Variants in ANKRD45 observed in about 807,000 individuals in gnomAD.
ANKRD45 encodes the protein ankyrin repeat domain 45, also known as ankyrin repeat domain-containing protein 45.
In ANKRD45, 21 loss-of-function variants were observed where a neutral mutation model predicts 28.1. The ratio of observed to expected loss-of-function variants is 0.75; its 90% CI spans 0.53 to 1.08. The LOEUF is 1.08. Ranked by LOEUF, ANKRD45 falls within the 50% of genes least tolerant of loss-of-function variation. The probability of loss-of-function intolerance (pLI) is 0.00; values close to 1 mark genes in which losing one functional copy is unlikely to be tolerated. For missense variants in ANKRD45, 261 were observed against 308.7 expected (o/e 0.85, Z 1.16); for synonymous variants, 86 against 103.9 (o/e 0.83, Z 1.05).
the ANKRD45 span, among the ~76,000 whole-genome samples, chr1:173,678,618 T>C: frequency 3.9e-5 from 6 of 152,116 alleles, no homozygotes; most frequent in Non-Finnish European, 1.5e-5. Context: ...TACTGAATGG[T>C]CAAAAACTGG....
At chr1:173,653,798 T>A (rs1571760600) in intron 2 of ANKRD45, among the ~76,000 whole-genome samples, 1 of 152,314 alleles carries the variant, frequency 6.6e-6, no homozygotes, top group Middle Eastern at 3.4e-3. Flanking sequence ...TGGGTGTCTA[T>A]ATATTTATGA....
the ANKRD45 span, among the ~76,000 whole-genome samples, chr1:173,690,041 C>T: frequency 4.3e-4 from 55 of 128,430 alleles, no homozygotes; most frequent in African/African-American, 1.5e-3. Context: ...TTCAGACTTA[C>T]AAAGCCAATG....
At chr1:173,614,972 G>A (rs1000682743) in intron 5 of ANKRD45, among the ~76,000 whole-genome samples, 20 of 151,860 alleles carry the variant, frequency 1.3e-4, no homozygotes, top group African/African-American at 2.7e-4. Context: ...GCACGCCACC[G>A]CATCTGGCTA....
chr1:173,658,223 C>G, intron 2 of ANKRD45: 1 of 200,120 alleles, frequency 5.0e-6, no homozygotes, highest in Non-Finnish European at 1.1e-5. Context: ...ACTCAGGAAG[C>G]TAAGGTGTGA....
the ANKRD45 span, among the ~76,000 whole-genome samples, chr1:173,692,156 A>G: frequency 1.3e-5 from 2 of 152,214 alleles, no homozygotes. Flanking sequence ...TTAAAAGTAG[A>G]AAGTTTAAAA....
intron 5 of ANKRD45, among the ~76,000 whole-genome samples, chr1:173,615,099 G>A (rs929497892): frequency 2.0e-5 from 3 of 152,098 alleles, no homozygotes; most frequent in Non-Finnish European, 2.9e-5. Flanking sequence ...AATTACAGGC[G>A]TAAGCCACCG....
At chr1:173,709,242 C>T in the ANKRD45 span, among the ~76,000 whole-genome samples, 1 of 152,182 alleles carries the variant, frequency 6.6e-6, no homozygotes, top group Non-Finnish European at 1.5e-5. Context: ...ACTCATGTTG[C>T]TAATGGCAGG....
At chr1:173,674,035 A>G (rs958614730), upstream of ANKRD45, among the ~76,000 whole-genome samples, 1 of 151,838 alleles carries the variant, frequency 6.6e-6, no homozygotes, top group African/African-American at 2.4e-5. Context: ...TAGATATAGC[A>G]TCTTACTCTG....
At chr1:173,654,991 A>G (rs926919154) in intron 2 of ANKRD45, among the ~76,000 whole-genome samples, 12 of 152,136 alleles carry the variant, frequency 7.9e-5, no homozygotes, top group African/African-American at 2.7e-4. Context: ...CTAGTTAGCC[A>G]TTCGTCTAAT....
the ANKRD45 span, among the ~76,000 whole-genome samples, chr1:173,677,549 G>C: frequency 7.9e-5 from 12 of 152,230 alleles, no homozygotes; most frequent in Non-Finnish European, 1.0e-4. Flanking sequence ...TGGACCTTGA[G>C]GAGTTGAATG....
At chr1:173,690,070 C>G in the ANKRD45 span, among the ~76,000 whole-genome samples, 4 of 105,136 alleles carry the variant, frequency 3.8e-5, no homozygotes, top group African/African-American at 1.1e-4. Context: ...CCGCCCCCCC[C>G]CCCCCCGACC....
Position 173,635,732 on chromosome 1 carries a change from A to C in ANKRD45, c.497-8573T>G, listed in dbSNP as rs1016059558. 1.6e-5 allele frequency: 25 copies of C among 1,535,406 alleles called. No individual in the cohort carries two copies. The African/African-American group carries it at 3.3e-4, about 20-fold the overall frequency. ...ATGCTGCGACTTTGCTAACATGGATATATTTCAGGGTTGTTTATATCTCAT... is the reference window on the plus strand; with the variant it reads ...ATGCTGCGACTTTGCTAACATGGATCTATTTCAGGGTTGTTTATATCTCAT... On this transcript the variant is annotated intron_variant, in intron 3 of 5. Coordinates refer to ENST00000333279, the MANE Select transcript of ANKRD45 (RefSeq NM_198493.3).
chr1:173,625,019 T>G, intron 4 of ANKRD45, 94 bp from the exon 5 acceptor site: 1 of 1,303,876 alleles, frequency 7.7e-7, no homozygotes. Flanking sequence ...CTGAACTTTC[T>G]GTGATGATAG....
At chr1:173,645,889 C>G (rs1398292812) in intron 3 of ANKRD45, among the ~76,000 whole-genome samples, 1 of 152,160 alleles carries the variant, frequency 6.6e-6, no homozygotes, top group East Asian at 1.9e-4. Flanking sequence ...AGAATACTTG[C>G]TCTGCCAATT....
intron 2 of ANKRD45, among the ~76,000 whole-genome samples, chr1:173,654,921 T>C (rs1387209242): frequency 1.3e-5 from 2 of 152,226 alleles, no homozygotes; most frequent in African/African-American, 4.8e-5. Context: ...ATCACATAGT[T>C]CTCCTGCCAT....
At chr1:173,650,755 C>A (rs1669169210) in intron 2 of ANKRD45, among the ~76,000 whole-genome samples, 1 of 152,182 alleles carries the variant, frequency 6.6e-6, no homozygotes, top group African/African-American at 2.4e-5. Context: ...TCTCCAGTAC[C>A]TGTTGTTTCC....
chr1:173,696,972 A>C, the ANKRD45 span, among the ~76,000 whole-genome samples: 1 of 152,198 alleles, frequency 6.6e-6, no homozygotes, highest in Non-Finnish European at 1.5e-5. Flanking sequence ...AAGATCTTAA[A>C]TGACCTGATA....
chr1:173,637,941 C>T lies in ANKRD45; in HGVS notation c.496+8905G>A, dbSNP rs146295329. ...CCCTGGAGGACAGCCAGGACCTACC[C>T]GGAGCAAGGAATATAGTTGGATTCT... is the stretch of plus-strand genomic sequence containing the variant. On this transcript the variant is annotated intron_variant, in intron 3 of 5. Coordinates refer to ENST00000333279, the MANE Select transcript of ANKRD45 (RefSeq NM_198493.3). 1.7e-3 allele frequency among the ~76,000 whole-genome samples: 255 copies of T among 152,170 alleles called. 2 individuals are homozygous for T. The highest frequency in any genetic ancestry group is 2.7e-3 in the Non-Finnish European group (182 of 67,998).
intron 3 of ANKRD45, among the ~76,000 whole-genome samples, chr1:173,638,925 C>T (rs1668581689): frequency 6.6e-6 from 1 of 152,138 alleles, no homozygotes; most frequent in Admixed American, 6.5e-5. Context: ...CCTTTTAAAA[C>T]AGGACGGCAC....
Sources: gnomAD v4.1 joint callset for allele counts (sites outside exome capture counted in the v4.1 genomes callset) on GRCh38, gnomAD v4.1.1 for gene constraint, MANE v1.5 for transcripts, NCBI Gene and HGNC (gene_info 2026-07-23, HGNC 2026-07-21) for gene names.